The following MGAT4C variants were observed in gnomAD, a reference collection of about 807,000 sequenced individuals.
MGAT4C encodes MGAT4 family member C.
MGAT4C carries 19 observed loss-of-function variants against 40.1 expected under a neutral mutation model. That is an observed-to-expected ratio of 0.47 (90% CI 0.33 to 0.70). MGAT4C has a LOEUF of 0.70. MGAT4C is among the 30% of genes least tolerant of loss of function. MGAT4C has a pLI of 0.02. For missense variants in MGAT4C, 491 were observed against 563.2 expected, an observed-to-expected ratio of 0.87 and a Z score of 1.30; for synonymous variants, 181 against 187.1, an observed-to-expected ratio of 0.97 and a Z score of 0.27.
chr12:86,151,352 A>C (rs1689399), intron 1 of MGAT4C, among the ~76,000 whole-genome samples: 151,640 of 152,184 alleles, frequency 1, 75,549 homozygotes, highest in Middle Eastern at 1. Context: ...GTGGCTCACA[A>C]CTGTAATCCC....
chr12:86,483,325 A>G (rs990381987), intron 2 of MGAT4C, among the ~76,000 whole-genome samples: 15 of 152,150 alleles, frequency 9.9e-5, no homozygotes, highest in African/African-American at 3.4e-4. Flanking sequence ...ACTGTTTTCT[A>G]TGAGTGAGCA....
chr12:86,587,433 C>A (rs144650396), intron 2 of MGAT4C, among the ~76,000 whole-genome samples: 1 of 151,584 alleles, frequency 6.6e-6, no homozygotes, highest in Non-Finnish European at 1.5e-5. Flanking sequence ...CTTGGCAATG[C>A]GGACTGTTTG....
At chr12:86,140,519 G>A (rs1001093347) in intron 1 of MGAT4C, among the ~76,000 whole-genome samples, 1 of 152,176 alleles carries the variant, frequency 6.6e-6, no homozygotes, top group African/African-American at 2.4e-5. Flanking sequence ...GGGGTGGGAG[G>A]TTAGAGGAGG....
chr12:86,647,295 T>G (rs1963567739), intron 2 of MGAT4C, among the ~76,000 whole-genome samples: 2 of 151,970 alleles, frequency 1.3e-5, no homozygotes, highest in Non-Finnish European at 2.9e-5. Context: ...ACAATTACTT[T>G]GATTATTGCA....
At chr12:86,029,136 C>A (rs1890509464) in intron 2 of MGAT4C, among the ~76,000 whole-genome samples, 1 of 151,800 alleles carries the variant, frequency 6.6e-6, no homozygotes, top group Non-Finnish European at 1.5e-5. Context: ...ATATACATAA[C>A]CATCATATTT....
chr12:86,397,405 C>T (rs138366094), intron 3 of MGAT4C, among the ~76,000 whole-genome samples: 27 of 152,232 alleles, frequency 1.8e-4, no homozygotes, highest in Non-Finnish European at 2.9e-4. Context: ...CCAACTTGAT[C>T]TTTACTGGTT....
chr12:86,492,008 A>C (rs1031210525), intron 2 of MGAT4C, among the ~76,000 whole-genome samples: 24 of 152,180 alleles, frequency 1.6e-4, no homozygotes, highest in African/African-American at 5.8e-4. Context: ...AATAACAGAC[A>C]AACAGAGAGC....
intron 4 of MGAT4C, among the ~76,000 whole-genome samples, chr12:86,319,890 C>T (rs1954337741): frequency 6.6e-6 from 1 of 151,934 alleles, no homozygotes; most frequent in African/African-American, 2.4e-5. Flanking sequence ...TTTTTAAAGT[C>T]CATAATTTGA....
chr12:86,836,349 C>T (rs571196710), intron 1 of MGAT4C, among the ~76,000 whole-genome samples: 1 of 151,960 alleles, frequency 6.6e-6, no homozygotes, highest in African/African-American at 2.4e-5. Flanking sequence ...CTGTGTGTAC[C>T]AATTAGAGGT....
chr12:86,367,581 CA>C (rs1485149274), intron 3 of MGAT4C, among the ~76,000 whole-genome samples: 2 of 152,126 alleles, frequency 1.3e-5, no homozygotes, highest in Non-Finnish European at 2.9e-5. Flanking sequence ...GGGTGGATCA[CA>C]AGGTCAGGAG....
At chr12:86,572,427 T>C (rs1025739815) in intron 2 of MGAT4C, among the ~76,000 whole-genome samples, 1 of 152,060 alleles carries the variant, frequency 6.6e-6, no homozygotes, top group Non-Finnish European at 1.5e-5. Flanking sequence ...TCCCTTACAA[T>C]TTTATTAATA....
chr12:86,479,649 T>C (rs930449982), intron 2 of MGAT4C, among the ~76,000 whole-genome samples: 1 of 151,964 alleles, frequency 6.6e-6, no homozygotes, highest in Non-Finnish European at 1.5e-5. Context: ...TGACTATAGT[T>C]ATAAAAAATG....
intron 1 of MGAT4C, among the ~76,000 whole-genome samples, chr12:86,078,983 T>A (rs1870318515): frequency 6.6e-6 from 1 of 152,226 alleles, no homozygotes. Flanking sequence ...ATTGTATTCA[T>A]ATCTTAGTTG....
At chr12:86,039,762 T>C (rs548630725) in intron 2 of MGAT4C, among the ~76,000 whole-genome samples, 5 of 152,306 alleles carry the variant, frequency 3.3e-5, no homozygotes, top group African/African-American at 1.2e-4. Context: ...TTTTGTTCCC[T>C]TGCTAGCAGG....
chr12:86,077,932 T>C (rs530976967), intron 1 of MGAT4C, among the ~76,000 whole-genome samples: 7 of 152,314 alleles, frequency 4.6e-5, no homozygotes, highest in Non-Finnish European at 1.0e-4. Flanking sequence ...GCCCAAAATG[T>C]CCAGGTGGTA....
At chr12:86,352,762 C>A (rs1955194443) in intron 3 of MGAT4C, among the ~76,000 whole-genome samples, 1 of 150,326 alleles carries the variant, frequency 6.7e-6, no homozygotes, top group African/African-American at 2.5e-5. Flanking sequence ...GTTAATAAAT[C>A]TTAATGATTT....
At chr12:86,143,470 A>C (rs964807155) in intron 1 of MGAT4C, among the ~76,000 whole-genome samples, 15 of 152,302 alleles carry the variant, frequency 9.8e-5, no homozygotes, top group African/African-American at 3.6e-4. Context: ...AGTCTATGAC[A>C]ATGTAATAGA....
intron 1 of MGAT4C, among the ~76,000 whole-genome samples, chr12:86,834,612 C>CCACACACA (rs148269576): frequency 5.1e-4 from 75 of 148,290 alleles, no homozygotes; most frequent in Admixed American, 6.1e-4. Context: ...CCCCCAACCA[C>CCACACACA]CACACACACA....
chr12:86,054,999 G>A (rs981069792), intron 1 of MGAT4C, among the ~76,000 whole-genome samples: 17 of 151,972 alleles, frequency 1.1e-4, no homozygotes, highest in Non-Finnish European at 2.5e-4. Context: ...ATTAAGGACT[G>A]TGATTATTTA....
Sources: gnomAD v4.1 joint callset for allele counts (sites outside exome capture counted in the v4.1 genomes callset) on GRCh38, gnomAD v4.1.1 for gene constraint, MANE v1.5 for transcripts, NCBI Gene and HGNC (gene_info 2026-07-23, HGNC 2026-07-21) for gene names.